The following GULP1 variants were observed in gnomAD, a reference collection of about 807,000 sequenced individuals.
GULP1 encodes the protein PTB domain-containing engulfment adapter protein 1.
GULP1 carries 19 observed loss-of-function variants against 40.9 expected under a neutral mutation model. The observed-to-expected ratio is 0.46, with a 90% confidence interval of 0.32 to 0.68. GULP1 has a LOEUF of 0.68. Ranked by LOEUF, GULP1 falls within the 30% of genes least tolerant of loss-of-function variation. The pLI is 0.03. For missense variants in GULP1, 312 were observed against 362.2 expected (o/e 0.86, Z 1.12); for synonymous variants, 119 against 117.6 (o/e 1.01, Z -0.08).
intron 1 of GULP1, among the ~76,000 whole-genome samples, chr2:188,310,862 C>T (rs989362429): frequency 1.3e-5 from 2 of 152,074 alleles, no homozygotes; most frequent in African/African-American, 4.8e-5. Context: ...TAATAGAGAT[C>T]TAAACTAGAT....
At chr2:188,390,562 G>A (rs2050383923) in intron 2 of GULP1, among the ~76,000 whole-genome samples, 1 of 152,060 alleles carries the variant, frequency 6.6e-6, no homozygotes, top group South Asian at 2.1e-4. Context: ...CATTCTATGT[G>A]TTGTCTGTTT....
At chr2:188,575,551 G>A (rs774614567) in intron 9 of GULP1, among the ~76,000 whole-genome samples, 13 of 152,226 alleles carry the variant, frequency 8.5e-5, no homozygotes, top group Non-Finnish European at 1.5e-4. Flanking sequence ...AAGTGACCAG[G>A]GAAGCAAGCT....
intron 9 of GULP1, among the ~76,000 whole-genome samples, chr2:188,579,030 C>T (rs898185463): frequency 2.0e-5 from 3 of 152,060 alleles, no homozygotes; most frequent in Non-Finnish European, 4.4e-5. Context: ...ATAGGCCTAA[C>T]CATTTAGTAC....
chr2:188,433,300 G>A (rs1208745601), intron 2 of GULP1, among the ~76,000 whole-genome samples: 1 of 152,074 alleles, frequency 6.6e-6, no homozygotes, highest in Non-Finnish European at 1.5e-5. Flanking sequence ...TTTTCTTTAA[G>A]GGAGGAACTG....
chr2:188,374,611 G>A (rs539891133), intron 1 of GULP1, among the ~76,000 whole-genome samples: 3 of 152,066 alleles, frequency 2.0e-5, no homozygotes, highest in Non-Finnish European at 4.4e-5. Flanking sequence ...TTTAAAAAGG[G>A]TGCTGATTGT....
chr2:188,379,769 C>T (rs562590961), intron 1 of GULP1, among the ~76,000 whole-genome samples: 2 of 152,210 alleles, frequency 1.3e-5, no homozygotes, highest in Admixed American at 6.5e-5. Flanking sequence ...TATAAATATT[C>T]TATTTTAAAA....
chr2:188,317,574 T>G (rs1463840939), intron 1 of GULP1, among the ~76,000 whole-genome samples: 3 of 152,120 alleles, frequency 2.0e-5, no homozygotes, highest in African/African-American at 7.2e-5. Flanking sequence ...TGTCAAATGT[T>G]TATGTATTGA....
chr2:188,561,139 G>A (rs1696156207), intron 7 of GULP1, among the ~76,000 whole-genome samples: 1 of 152,182 alleles, frequency 6.6e-6, no homozygotes, highest in Non-Finnish European at 1.5e-5. Flanking sequence ...CGTTAAGCAT[G>A]TCACTGTTTA....
chr2:188,377,008 C>T (rs1308530696), intron 1 of GULP1, among the ~76,000 whole-genome samples: 3 of 152,066 alleles, frequency 2.0e-5, no homozygotes, highest in East Asian at 1.9e-4. Context: ...CCCATCTCTA[C>T]TAAAAATACA....
chr2:188,476,692 A>G (rs777210465), intron 2 of GULP1, among the ~76,000 whole-genome samples: 1 of 152,148 alleles, frequency 6.6e-6, no homozygotes, highest in Non-Finnish European at 1.5e-5. Flanking sequence ...GTGAAAGGCT[A>G]TCTTAATGTC....
chr2:188,416,932 T>C (rs2054659633), intron 2 of GULP1, among the ~76,000 whole-genome samples: 1 of 152,172 alleles, frequency 6.6e-6, no homozygotes, highest in Non-Finnish European at 1.5e-5. Flanking sequence ...GAAAATTTAG[T>C]TTTTGAAAAA....
chr2:188,342,578 A>C (rs1020271994), intron 1 of GULP1, among the ~76,000 whole-genome samples: 1 of 152,148 alleles, frequency 6.6e-6, no homozygotes, highest in Non-Finnish European at 1.5e-5. Context: ...ACTATTTTTA[A>C]ACCATACTAT....
chr2:188,593,815 CAT>C, intron 11 of GULP1, 123 bp from the exon 12 acceptor site: 1 of 617,566 alleles, frequency 1.6e-6, no homozygotes, highest in Non-Finnish European at 2.9e-6. Context: ...CAACATTTGA[CAT>C]ATAGTTATTT....
chr2:188,341,767 C>CT (rs892912314), intron 1 of GULP1, among the ~76,000 whole-genome samples: 5 of 151,826 alleles, frequency 3.3e-5, no homozygotes, highest in Admixed American at 6.6e-5. Context: ...TTAAAGATTG[C>CT]TTTTTTTTCA....
chr2:188,294,447 A>T (rs1349051030), intron 1 of GULP1: 1 of 152,148 alleles, frequency 6.6e-6, no homozygotes, highest in Non-Finnish European at 1.5e-5. Flanking sequence ...CCTAATTCCA[A>T]ACCAGCTAGG....
chr2:188,406,590 G>C (rs1282349774), intron 2 of GULP1, among the ~76,000 whole-genome samples: 4 of 152,038 alleles, frequency 2.6e-5, no homozygotes, highest in Non-Finnish European at 4.4e-5. Context: ...ATGCAATAGA[G>C]AGTGTCAGCA....
intron 5 of GULP1, 128 bp downstream of exon 5, chr2:188,522,955 GA>G (rs1685223488): frequency 1.7e-6 from 1 of 581,894 alleles, no homozygotes; most frequent in Non-Finnish European, 3.2e-6. Context: ...ATGAACTATT[GA>G]ACAAATGTAA....
intron 1 of GULP1, among the ~76,000 whole-genome samples, chr2:188,357,187 CG>C (rs1574682242): frequency 6.6e-6 from 1 of 151,816 alleles, no homozygotes; most frequent in African/African-American, 2.4e-5. Context: ...CACAGGCAAC[CG>C]AAACAAAAAT....
intron 1 of GULP1, among the ~76,000 whole-genome samples, chr2:188,315,744 T>C (rs2038975866): frequency 6.6e-6 from 1 of 152,142 alleles, no homozygotes; most frequent in African/African-American, 2.4e-5. Flanking sequence ...ATGATAAGGT[T>C]TAATTTATAA....
Sources: gnomAD v4.1 joint callset for allele counts (sites outside exome capture counted in the v4.1 genomes callset) on GRCh38, gnomAD v4.1.1 for gene constraint, MANE v1.5 for transcripts, NCBI Gene and HGNC (gene_info 2026-07-23, HGNC 2026-07-21) for gene names.